Variants in BNC2 observed in about 807,000 individuals in gnomAD.
BNC2 encodes the protein basonuclin zinc finger protein 2.
A neutral mutation model predicts 76.3 loss-of-function variants in BNC2; 20 were observed. The observed-to-expected ratio is 0.26, with a 90% confidence interval of 0.18 to 0.38. The LOEUF (loss-of-function observed/expected upper bound fraction) is 0.38. BNC2 is among the 10% of genes least tolerant of loss of function. The pLI is 1.00. For missense variants in BNC2, 1,382 were observed against 1,399.8 expected, an observed-to-expected ratio of 0.99 and a Z score of 0.20; for synonymous variants, 582 against 514.8, an observed-to-expected ratio of 1.13 and a Z score of -1.77.
At chr9:16,778,285 C>T (rs1441189043) in intron 1 of BNC2, among the ~76,000 whole-genome samples, 1 of 152,122 alleles carries the variant, frequency 6.6e-6, no homozygotes, top group African/African-American at 2.4e-5. Context: ...TCTCTATTGG[C>T]AGAGACCCAA....
intron 1 of BNC2, among the ~76,000 whole-genome samples, chr9:16,742,096 T>C (rs780032071): frequency 5.9e-5 from 9 of 152,168 alleles, no homozygotes; most frequent in Admixed American, 1.3e-4. Context: ...TGAGAATTGA[T>C]TTTGGATGAA....
intron 3 of BNC2, among the ~76,000 whole-genome samples, chr9:16,595,817 CAAGAGACCTATGTAATGGTTGTCAGG>C (rs1470589061): frequency 6.6e-6 from 1 of 151,950 alleles, no homozygotes; most frequent in Non-Finnish European, 1.5e-5. Context: ...CTGAGCAAAG[CAAGAGACCTATGTAATGGTTGTCAGG>C]AACTTTGAGC....
At chr9:16,856,431 G>C (rs1044703081) in intron 1 of BNC2, among the ~76,000 whole-genome samples, 3 of 152,244 alleles carry the variant, frequency 2.0e-5, no homozygotes, top group Admixed American at 2.0e-4. Flanking sequence ...TTCTTGAAGC[G>C]AAAATATTTC....
chr9:16,569,803 G>T (rs907394043), intron 4 of BNC2, among the ~76,000 whole-genome samples: 1 of 152,164 alleles, frequency 6.6e-6, no homozygotes, highest in Non-Finnish European at 1.5e-5. Flanking sequence ...TTTAGTAACT[G>T]AATCTACTTG....
intron 1 of BNC2, among the ~76,000 whole-genome samples, chr9:16,758,220 C>G (rs1825444836): frequency 6.6e-6 from 1 of 152,214 alleles, no homozygotes; most frequent in South Asian, 2.1e-4. Context: ...TCTCTGACCA[C>G]AGCTGGGAAA....
intron 4 of BNC2, among the ~76,000 whole-genome samples, chr9:16,578,117 G>C (rs1162066286): frequency 6.6e-6 from 1 of 151,760 alleles, no homozygotes; most frequent in Non-Finnish European, 1.5e-5. Context: ...TACTGATCTA[G>C]TTTAAAAAAA....
chr9:16,513,376 G>C (rs1243284995), intron 5 of BNC2, among the ~76,000 whole-genome samples: 3 of 138,712 alleles, frequency 2.2e-5, no homozygotes, highest in South Asian at 4.5e-4. Context: ...GCACGATCTC[G>C]GCTCACTGCA....
chr9:16,842,962 G>C (rs970245923), intron 1 of BNC2, among the ~76,000 whole-genome samples: 3 of 152,062 alleles, frequency 2.0e-5, no homozygotes, highest in African/African-American at 4.8e-5. Flanking sequence ...ATGTTGGCCA[G>C]GCTGGAGTCA....
chr9:16,841,814 G>GT (rs56358820), intron 1 of BNC2, among the ~76,000 whole-genome samples: 140,780 of 146,764 alleles, frequency 0.96, 67,669 homozygotes, highest in Middle Eastern at 0.99. Flanking sequence ...TATCAAATTT[G>GT]TTTTTTTTTT....
intron 1 of BNC2, among the ~76,000 whole-genome samples, chr9:16,806,879 T>C (rs1329464178): frequency 2.0e-5 from 3 of 152,222 alleles, no homozygotes; most frequent in Non-Finnish European, 4.4e-5. Context: ...TCTCCCCAGA[T>C]TGCCAGCTCT....
chr9:16,492,066 T>A (rs1320277120), intron 5 of BNC2, among the ~76,000 whole-genome samples: 1 of 152,168 alleles, frequency 6.6e-6, no homozygotes, highest in Non-Finnish European at 1.5e-5. Flanking sequence ...GAAATACGAT[T>A]GTAAAATAAA....
intron 1 of BNC2, among the ~76,000 whole-genome samples, chr9:16,829,020 A>T (rs1438851286): frequency 6.6e-6 from 1 of 152,078 alleles, no homozygotes; most frequent in East Asian, 1.9e-4. Context: ...GGCAGAGCAG[A>T]AGGGAGGCGA....
At chr9:16,435,252 T>C (rs1820982001) in intron 6 of BNC2, among the ~76,000 whole-genome samples, 1 of 152,132 alleles carries the variant, frequency 6.6e-6, no homozygotes, top group African/African-American at 2.4e-5. Flanking sequence ...ACCGTGTACA[T>C]AGTTAACTTA....
intron 4 of BNC2, among the ~76,000 whole-genome samples, chr9:16,567,223 A>G (rs1819196026): frequency 6.6e-6 from 1 of 150,702 alleles, no homozygotes; most frequent in Non-Finnish European, 1.5e-5. Context: ...CAGAATTGCC[A>G]TAAGGACAAC....
intron 1 of BNC2, among the ~76,000 whole-genome samples, chr9:16,756,249 T>C (rs571212551): frequency 6.6e-6 from 1 of 152,334 alleles, no homozygotes; most frequent in Admixed American, 6.5e-5. Context: ...TTATATTCTC[T>C]CTCTCTTCGC....
In BNC2 at chr9:16,661,069, TAAGGA is replaced by T. The variant is rs1019142184; in HGVS notation, c.330+66723_330+66727del. 9.0e-4 allele frequency among the ~76,000 whole-genome samples: 137 copies of T among 152,282 alleles called. 2 individuals carry two copies. The highest frequency in any genetic ancestry group is 2.8e-4 in the Non-Finnish European group (19 of 68,022). On this transcript the variant is annotated intron_variant, in intron 3 of 6. Coordinates refer to ENST00000380672, the MANE Select transcript of BNC2 (RefSeq NM_017637.6). The stretch of plus-strand genomic sequence containing the variant: ...TATACCATTATTCCCATTTTAAATG[TAAGGA>T]AACTGAGGCTCAAGAAAAGCAATTA...
intron 1 of BNC2, among the ~76,000 whole-genome samples, chr9:16,864,523 CTCTG>C (rs367899983): frequency 3.9e-5 from 6 of 151,988 alleles, no homozygotes; most frequent in Admixed American, 1.3e-4. Flanking sequence ...CAACCCTCAA[CTCTG>C]TCTATCTCCT....
intron 3 of BNC2, 115 bp from the exon 4 acceptor site, chr9:16,583,200 G>A: frequency 1.2e-6 from 1 of 839,032 alleles, no homozygotes. Context: ...GATGGTAGGG[G>A]CCTGGAGAGT....
At chr9:16,859,596 C>T (rs766224801) in intron 1 of BNC2, among the ~76,000 whole-genome samples, 6 of 152,070 alleles carry the variant, frequency 3.9e-5, no homozygotes, top group Non-Finnish European at 5.9e-5. Flanking sequence ...TGAAATAAGC[C>T]GGAACAAAAA....
Sources: gnomAD v4.1 joint callset for allele counts (sites outside exome capture counted in the v4.1 genomes callset) on GRCh38, gnomAD v4.1.1 for gene constraint, MANE v1.5 for transcripts, NCBI Gene and HGNC (gene_info 2026-07-23, HGNC 2026-07-21) for gene names.